PM20D1: variants seen among roughly 807,000 people sequenced by gnomAD.
The protein encoded by PM20D1 is peptidase M20 domain containing 1.
Under a neutral mutation model 53.8 loss-of-function variants are expected in PM20D1, and 53 were observed. That is an observed-to-expected ratio of 0.98 (90% CI 0.79 to 1.24). PM20D1 has a LOEUF of 1.24. Ranked by LOEUF, PM20D1 falls within the 50% of genes most tolerant of loss-of-function variation. The pLI is 0.00. For missense variants in PM20D1, 564 were observed against 616.8 expected (o/e 0.91, Z 0.91); for synonymous variants, 239 against 241.3 (o/e 0.99, Z 0.09).
At chr1:205,842,602 T>A in intron 7 of PM20D1, 74 bp downstream of exon 7, 1 of 1,472,048 alleles carries the variant, frequency 6.8e-7, no homozygotes, top group Non-Finnish European at 9.5e-7. Context: ...GGTCCTTTTC[T>A]TACTCTAAAG....
chr1:205,842,350 C>T, intron 7 of PM20D1, 135 bp from the exon 8 acceptor site: 1 of 792,392 alleles, frequency 1.3e-6, no homozygotes, highest in Non-Finnish European at 2.1e-6. Flanking sequence ...TCAGTTAGCT[C>T]AATCCCTGCT....
rs1256030194 is a variant in PM20D1, at chr1:205,845,343, G to A, written c.471C>T (p.Asp157=). The part of the protein sequence containing the change: ...DGIIYGRGTL[D]DKNSVMALLQ... Reference sequence around the variant, plus strand: ...CTCAGACCATCACAGAGTTCTTGTCGTCCAGTGTGCCCCGACCATAGATGA... The same window carrying A: ...CTCAGACCATCACAGAGTTCTTGTCATCCAGTGTGCCCCGACCATAGATGA... Residue 157 remains aspartate, a synonymous_variant, in exon 3 of 13, where the codon GAC becomes GAT. Transcript: ENST00000367136. The A allele has an allele frequency of 5.0e-6, 8 of 1,613,676 alleles. No individual in the cohort carries two copies. Among genetic ancestry groups the A allele is most frequent in the Admixed American group, 1.7e-5 (1 of 60,004 alleles).
In PM20D1 at chr1:205,843,649, G is replaced by C. The variant is rs1468745313; in HGVS notation, c.827+18C>G. On this transcript the variant is annotated intron_variant, in intron 6 of 12. Coordinates refer to ENST00000367136, the MANE Select transcript of PM20D1 (RefSeq NM_152491.5). Reference sequence around the variant, plus strand: ...CCATCTCAAGTCTGGCATGGGAACAGGGCCAGGAGTTGCTTACCGGCTGAC... The same window carrying C: ...CCATCTCAAGTCTGGCATGGGAACACGGCCAGGAGTTGCTTACCGGCTGAC... 5 of 1,610,914 alleles carry C rather than the reference G, an allele frequency of 3.1e-6. No homozygotes were observed. Among genetic ancestry groups the C allele is most frequent in the Non-Finnish European group, 4.2e-6 (5 of 1,178,922 alleles).
chr1:205,848,715 A>C (rs914402994), intron 1 of PM20D1, among the ~76,000 whole-genome samples: 2 of 152,204 alleles, frequency 1.3e-5, no homozygotes, highest in African/African-American at 4.8e-5. Flanking sequence ...ACTGCTCTCC[A>C]AGAACACAGT....
intron 11 of PM20D1, among the ~76,000 whole-genome samples, chr1:205,830,652 G>A (rs1273479002): frequency 2.6e-5 from 4 of 151,550 alleles, no homozygotes; most frequent in South Asian, 2.1e-4. Context: ...TCCCCATGAC[G>A]ACCAGGGAGG....
intron 4 of PM20D1, 34 bp from the exon 5 acceptor site, chr1:205,844,251 T>G: frequency 6.4e-7 from 1 of 1,566,756 alleles, no homozygotes; most frequent in Non-Finnish European, 8.7e-7. Flanking sequence ...ATAGTCCTTC[T>G]CAGCCAGAGA....
chr1:205,832,865 CT>C, intron 10 of PM20D1, 99 bp from the exon 11 acceptor site: 1 of 1,362,768 alleles, frequency 7.3e-7, no homozygotes, highest in East Asian at 2.5e-5. Context: ...AAGGCAGAGC[CT>C]CAGGGTTTAC....
intron 9 of PM20D1, 90 bp from the exon 10 acceptor site, chr1:205,840,413 G>A: frequency 8.2e-7 from 1 of 1,213,610 alleles, no homozygotes; most frequent in Non-Finnish European, 1.2e-6. Flanking sequence ...CTCAGCTCAG[G>A]CAGAGTTGGC....
chr1:205,836,686 A>G (rs1029630481), intron 10 of PM20D1, among the ~76,000 whole-genome samples: 44 of 151,934 alleles, frequency 2.9e-4, no homozygotes, highest in African/African-American at 1.1e-3. Context: ...TTTTATTTGT[A>G]GAGATAGGGT....
intron 12 of PM20D1, among the ~76,000 whole-genome samples, chr1:205,829,676 CT>C (rs1447720639): frequency 2.0e-5 from 3 of 152,226 alleles, no homozygotes; most frequent in Non-Finnish European, 4.4e-5. Flanking sequence ...TATTTTCACT[CT>C]GTCTACAGAG....
At chr1:205,834,269 C>G (rs1656633828) in intron 10 of PM20D1, among the ~76,000 whole-genome samples, 1 of 151,916 alleles carries the variant, frequency 6.6e-6, no homozygotes, top group Non-Finnish European at 1.5e-5. Flanking sequence ...AATTCTCCTG[C>G]CTTAGCCTCC....
At position 205,850,034 on chromosome 1, in the gene PM20D1, A is replaced by G; in HGVS notation, c.39T>C (p.Ala13=). Residue 13 remains alanine (A), a synonymous_variant, in exon 1 of 13, where the codon GCT becomes GCC. Transcript: ENST00000367136. ...QRCVCVLALV[A]MLLLVFPTVS... The stretch of plus-strand genomic sequence containing the variant: ...CGGTAGGGAAAACTAGGAGCAGCAT[A>G]GCCACCAGGGCCAGCACGCAAACGC... The G allele has an allele frequency of 6.2e-7, 1 of 1,614,136 alleles. No homozygotes were observed. Among genetic ancestry groups the G allele is most frequent in the Non-Finnish European group, 8.5e-7 (1 of 1,180,002 alleles).
intron 1 of PM20D1, among the ~76,000 whole-genome samples, chr1:205,849,031 C>T (rs181302847): frequency 6.6e-6 from 1 of 152,312 alleles, no homozygotes; most frequent in East Asian, 1.9e-4. Flanking sequence ...TTTGGGAAAG[C>T]CCTGCTCTGC....
In PM20D1 at chr1:205,830,326, T is replaced by A. The variant is rs202094864; in HGVS notation, c.1339A>T (p.Ile447Phe). The change falls in exon 12 of 13, where the codon ATC (isoleucine) becomes TTC (phenylalanine). Residue 447 changes from isoleucine (I) to phenylalanine (F), a missense_variant. Transcript: ENST00000367136. ...SRFFTNLTTG[I>F]YRFYPIYIQP... ...ATGTAGATGGGGTAGAACCTGTAGA[T>A]GCCAGTGGTGAGGTTTGTAAAGAAT... The A allele has an allele frequency of 2.0e-4, 326 of 1,613,266 alleles. 2 individuals are homozygous for A. The Middle Eastern group carries it at 2.8e-3, about 14-fold the overall frequency.
rs1571674438 is a variant in PM20D1 at position 205,840,419 on chromosome 1, T to A, written c.1045-96A>T. On this transcript the variant is annotated intron_variant, in intron 9 of 12. Transcript: ENST00000367136. Reference sequence around the variant, plus strand: ...GCTAATTTCCTCAGCTCAGGCAGAGTTGGCTGATTTGACTTAAGGACCCAA... The same window carrying A: ...GCTAATTTCCTCAGCTCAGGCAGAGATGGCTGATTTGACTTAAGGACCCAA... The A allele has an allele frequency of 9.7e-6, 11 of 1,134,134 alleles. No individual in the cohort carries two copies. In the East Asian group the frequency reaches 2.8e-4, roughly 29 times the overall value. 70.3% of individuals were successfully genotyped at this position (1,134,134 alleles called of 1,614,324 possible). A position where few individuals can be genotyped will look rare whatever the true frequency, so the allele number is the denominator to read the frequency against.
At chr1:205,847,203 G>C (rs1267420764) in intron 2 of PM20D1, among the ~76,000 whole-genome samples, 2 of 102,422 alleles carry the variant, frequency 2.0e-5, no homozygotes, top group East Asian at 5.0e-4. Context: ...ATTTGTCCCA[G>C]GGTGTTAGAG....
At chr1:205,839,910 C>CAAAAAAAAAAAA (rs567749262) in intron 10 of PM20D1, among the ~76,000 whole-genome samples, 4 of 58,086 alleles carry the variant, frequency 6.9e-5, no homozygotes, top group Non-Finnish European at 1.1e-4. Flanking sequence ...GACTCTGACT[C>CAAAAAAAAAAAA]AAAAAAAAAA....
chr1:205,830,169 A>C, intron 12 of PM20D1, 111 bp downstream of exon 12: 1 of 816,538 alleles, frequency 1.2e-6, no homozygotes, highest in Non-Finnish European at 2.0e-6. Flanking sequence ...CATTTTGCCA[A>C]ATCCTGGCTT....
Position 205,845,483 on chromosome 1 carries a change from G to T in PM20D1, c.331C>A (p.Gln111Lys). ...GGCTGCAAGCTGGGGTCCGAGCCTT[G>T]GATAGTGAACAGGTGGCTATACTCT... ...VEEYSHLFTI[Q>K]GSDPSLQPYL... The change falls in exon 3 of 13, where the codon CAA (glutamine) becomes AAA (lysine). Residue 111 changes from glutamine (Q) to lysine (K), a missense_variant. Physicochemically the swap from Gln to Lys is moderately conservative, Grantham distance 53. Coordinates refer to ENST00000367136, the MANE Select transcript of PM20D1 (RefSeq NM_152491.5). The T allele has an allele frequency of 1.2e-6, 2 of 1,614,218 alleles. No homozygotes were observed. The highest frequency in any genetic ancestry group is 2.2e-5 in the East Asian group (1 of 44,882).
Sources: allele counts gnomAD v4.1 joint callset (sites outside exome capture counted in the v4.1 genomes callset), GRCh38; gene constraint gnomAD v4.1.1; transcripts MANE v1.5; gene names NCBI Gene and HGNC (gene_info 2026-07-23, HGNC 2026-07-21).